SPAST: variants seen among roughly 807,000 people sequenced by gnomAD.
The protein encoded by SPAST is spastic paraplegia 4 (autosomal dominant; spastin).
Under a neutral mutation model 76.6 loss-of-function variants are expected in SPAST, and 30 were observed. The ratio of observed to expected loss-of-function variants is 0.39; its 90% CI spans 0.29 to 0.53. The LOEUF (loss-of-function observed/expected upper bound fraction) is 0.53, where lower values mean the gene tolerates loss of function less well. Ranked by LOEUF, SPAST falls within the 20% of genes least tolerant of loss-of-function variation. SPAST has a pLI of 0.68. For synonymous variants in SPAST, 305 were observed against 281.0 expected (o/e 1.09, Z -0.86); for missense variants, 717 against 770.5 (o/e 0.93, Z 0.82).
intron 4 of SPAST, among the ~76,000 whole-genome samples, chr2:32,107,449 C>T (rs901249714): frequency 3.9e-5 from 6 of 152,052 alleles, no homozygotes; most frequent in African/African-American, 1.5e-4. Context: ...GATGAGGTTT[C>T]ACCATGTTGG....
chr2:32,110,700 T>C (rs1678542668), intron 4 of SPAST, among the ~76,000 whole-genome samples: 1 of 136,620 alleles, frequency 7.3e-6, no homozygotes, highest in Non-Finnish European at 1.5e-5. Context: ...GTATATATAG[T>C]GTACATAGTA....
chr2:32,063,634 G>A lies in SPAST; in HGVS notation c.-198G>A, dbSNP rs2148684815. 6.3e-6 allele frequency: 4 copies of A among 638,734 alleles called. No homozygotes were observed. Among genetic ancestry groups the A allele is most frequent in the South Asian group, 6.1e-5 (3 of 49,364 alleles). The allele number at this position is 638,734 out of a possible 1,614,324, so 39.6% of individuals were successfully genotyped here. ...GGGGCCCGAGCCACCGACTGCAGGAGGAGAAGGGGTTGTGCTCCTGGCCGA... is the reference window on the plus strand; with the variant it reads ...GGGGCCCGAGCCACCGACTGCAGGAAGAGAAGGGGTTGTGCTCCTGGCCGA... On this transcript the variant is annotated 5_prime_UTR_variant, in exon 1 of 17. Coordinates refer to ENST00000315285, the MANE Select transcript of SPAST (RefSeq NM_014946.4).
At chr2:32,091,185 T>C (rs1677699395) in intron 3 of SPAST, among the ~76,000 whole-genome samples, 1 of 151,062 alleles carries the variant, frequency 6.6e-6, no homozygotes, top group South Asian at 2.1e-4. Flanking sequence ...TGTAGCCCTG[T>C]GACTTGGGGT....
intron 1 of SPAST, among the ~76,000 whole-genome samples, chr2:32,082,881 C>T (rs891335709): frequency 2.0e-5 from 3 of 152,148 alleles, no homozygotes; most frequent in Non-Finnish European, 4.4e-5. Context: ...TAGTATTCCA[C>T]GTGTGGAGAT....
chr2:32,147,432 C>T (rs1679930067), intron 16 of SPAST, among the ~76,000 whole-genome samples, 174 bp downstream of exon 16: 2 of 140,204 alleles, frequency 1.4e-5, no homozygotes, highest in African/African-American at 2.7e-5. Context: ...AAGCTATTCT[C>T]CTGCCTCAGC....
chr2:32,154,332 C>T (rs763436992), intron 16 of SPAST, 42 bp from the exon 17 acceptor site: 92 of 1,573,254 alleles, frequency 5.8e-5, no homozygotes, highest in Non-Finnish European at 7.7e-5. Context: ...CACCATATAC[C>T]TGTTGATCAT....
intron 4 of SPAST, among the ~76,000 whole-genome samples, chr2:32,107,032 C>T (rs1678350688): frequency 6.6e-6 from 1 of 152,024 alleles, no homozygotes; most frequent in Admixed American, 6.6e-5. Context: ...TCTTTCCTTT[C>T]CTTGTTATCT....
intron 7 of SPAST, among the ~76,000 whole-genome samples, chr2:32,119,066 A>C (rs1678934565): frequency 6.6e-6 from 1 of 152,192 alleles, no homozygotes; most frequent in Non-Finnish European, 1.5e-5. Context: ...ACCTTAGTAA[A>C]CTTAGCAAAC....
intron 1 of SPAST, among the ~76,000 whole-genome samples, chr2:32,069,282 T>C (rs1676652679): frequency 6.6e-6 from 1 of 152,026 alleles, no homozygotes; most frequent in African/African-American, 2.4e-5. Flanking sequence ...ATTTTTTCTT[T>C]AGGAGATTGA....
At chr2:32,097,666 C>T (rs1425032935) in intron 3 of SPAST, among the ~76,000 whole-genome samples, 1 of 150,712 alleles carries the variant, frequency 6.6e-6, no homozygotes, top group African/African-American at 2.4e-5. Flanking sequence ...TGCTGTTCTC[C>T]TTCCCTGAAA....
At chr2:32,119,076 CTG>C (rs1678935006) in intron 7 of SPAST, among the ~76,000 whole-genome samples, 1 of 152,136 alleles carries the variant, frequency 6.6e-6, no homozygotes, top group Admixed American at 6.6e-5. Flanking sequence ...ACTTAGCAAA[CTG>C]AGACCTAAGG....
chr2:32,137,360 C>T (rs1679573838), intron 12 of SPAST, among the ~76,000 whole-genome samples, 172 bp downstream of exon 12: 1 of 152,152 alleles, frequency 6.6e-6, no homozygotes, highest in African/African-American at 2.4e-5. Context: ...AGGTCAACAG[C>T]TTGATATCAG....
chr2:32,075,425 C>CAA (rs70938315), intron 1 of SPAST, among the ~76,000 whole-genome samples: 21 of 65,554 alleles, frequency 3.2e-4, no homozygotes, highest in South Asian at 6.7e-4. Flanking sequence ...GACTCTGTCT[C>CAA]AAAAAAAAAA....
In SPAST at chr2:32,115,681, TA is replaced by T; in HGVS notation, c.871-17del. 15 of 1,570,244 alleles carry T rather than the reference TA, an allele frequency of 9.6e-6. No homozygotes were observed. The highest frequency in any genetic ancestry group is 1.3e-5 in the Non-Finnish European group (15 of 1,143,476). ...TAAATGTTAGGTTGTATTTTCATAT[TA>T]AAATTTTGTATCCTTTAAGGGTACT... On this transcript the variant is annotated intron_variant, in intron 5 of 16. Transcript: ENST00000315285.
At chr2:32,066,567 C>T (rs933502977) in intron 1 of SPAST, among the ~76,000 whole-genome samples, 1 of 151,848 alleles carries the variant, frequency 6.6e-6, no homozygotes, top group Non-Finnish European at 1.5e-5. Context: ...ACTCAGGAGG[C>T]TGAGGCAAGA....
chr2:32,134,680 G>C (rs1679477435), intron 9 of SPAST, among the ~76,000 whole-genome samples: 1 of 152,038 alleles, frequency 6.6e-6, no homozygotes, highest in Admixed American at 6.6e-5. Flanking sequence ...GAAGTTAGGA[G>C]ATAGGGATTC....
At chr2:32,081,567 C>T (rs899055051) in intron 1 of SPAST, among the ~76,000 whole-genome samples, 11 of 151,626 alleles carry the variant, frequency 7.3e-5, no homozygotes, top group East Asian at 3.9e-4. Flanking sequence ...TTCAAGTAGA[C>T]GAGGTCAGGA....
chr2:32,083,853 A>G (rs1412723647), intron 1 of SPAST, among the ~76,000 whole-genome samples: 1 of 144,884 alleles, frequency 6.9e-6, no homozygotes, highest in African/African-American at 2.6e-5. Flanking sequence ...GCTTACCGCA[A>G]CCTCAACCTC....
At chr2:32,125,908 C>T (rs1398449756) in intron 7 of SPAST, among the ~76,000 whole-genome samples, 2 of 152,176 alleles carry the variant, frequency 1.3e-5, no homozygotes, top group African/African-American at 4.8e-5. Context: ...CATTTTCCTG[C>T]CTCAGCCTCC....
Sources: gnomAD v4.1 joint callset for allele counts (sites outside exome capture counted in the v4.1 genomes callset) on GRCh38, gnomAD v4.1.1 for gene constraint, MANE v1.5 for transcripts, NCBI Gene and HGNC (gene_info 2026-07-23, HGNC 2026-07-21) for gene names.